The following PLIN3 variants were observed in gnomAD, a reference collection of about 807,000 sequenced individuals.
PLIN3 encodes perilipin-3.
Under a neutral mutation model 35.9 loss-of-function variants are expected in PLIN3, and 30 were observed. The observed-to-expected ratio is 0.84, with a 90% confidence interval of 0.62 to 1.13. PLIN3 has a LOEUF of 1.13. PLIN3 is among the 50% of genes most tolerant of loss of function. The pLI is 0.00. For missense variants in PLIN3, 603 were observed against 596.9 expected (o/e 1.01, Z -0.11); for synonymous variants, 261 against 262.5 (o/e 0.99, Z 0.06).
chr19:4,845,681 T>C (rs2030064170), intron 6 of PLIN3, among the ~76,000 whole-genome samples: 1 of 151,998 alleles, frequency 6.6e-6, no homozygotes, highest in East Asian at 1.9e-4. Context: ...TCCCAGCACT[T>C]TGGGAGGCCG....
At chr19:4,845,813 A>C (rs1188594006) in intron 6 of PLIN3, among the ~76,000 whole-genome samples, 1 of 150,002 alleles carries the variant, frequency 6.7e-6, no homozygotes, top group Non-Finnish European at 1.5e-5. Context: ...AGTCCCAGCT[A>C]CTCGGGAGGC....
intron 7 of PLIN3, among the ~76,000 whole-genome samples, chr19:4,842,599 CAAAAA>C (rs11383489): frequency 1.5e-4 from 7 of 46,910 alleles, no homozygotes; most frequent in East Asian, 1.6e-3. Flanking sequence ...GACTCTATCT[CAAAAA>C]AAAAAAAAAA....
intron 7 of PLIN3, among the ~76,000 whole-genome samples, chr19:4,840,629 C>A (rs1329914025): frequency 6.6e-6 from 1 of 152,090 alleles, no homozygotes; most frequent in Non-Finnish European, 1.5e-5. Context: ...GCTGTTTGAC[C>A]TTATAAGTCA....
intron 6 of PLIN3, among the ~76,000 whole-genome samples, chr19:4,846,421 G>A (rs914169344): frequency 4.6e-5 from 7 of 151,854 alleles, no homozygotes; most frequent in Non-Finnish European, 7.4e-5. Flanking sequence ...GATTAGAGCT[G>A]TGCGTGGTGG....
chr19:4,841,129 T>C (rs933985452), intron 7 of PLIN3, among the ~76,000 whole-genome samples: 5 of 152,088 alleles, frequency 3.3e-5, no homozygotes, highest in African/African-American at 9.7e-5. Context: ...TAGTTGTGGG[T>C]GTGTGCACAA....
At chr19:4,852,645 C>CTT (rs1160136382) in intron 4 of PLIN3, among the ~76,000 whole-genome samples, 10 of 146,176 alleles carry the variant, frequency 6.8e-5, no homozygotes, top group South Asian at 2.2e-4. Flanking sequence ...TTCTTTCTTT[C>CTT]TTTTTTTTTT....
intron 7 of PLIN3, among the ~76,000 whole-genome samples, chr19:4,844,025 A>C (rs1271464506): frequency 6.6e-6 from 1 of 152,094 alleles, no homozygotes; most frequent in Non-Finnish European, 1.5e-5. Flanking sequence ...GCTGGAGTGC[A>C]GTGGTGCGAT....
At chr19:4,856,731 G>A (rs2146210424) in intron 4 of PLIN3, among the ~76,000 whole-genome samples, 1 of 146,972 alleles carries the variant, frequency 6.8e-6, no homozygotes, top group Middle Eastern at 3.5e-3. Context: ...TTGAGACAGA[G>A]CCTTGCTCTG....
At chr19:4,867,316 G>C (rs929253352) in intron 1 of PLIN3, among the ~76,000 whole-genome samples, 3 of 152,180 alleles carry the variant, frequency 2.0e-5, no homozygotes, top group Non-Finnish European at 2.9e-5. Flanking sequence ...CCTGGTGGGC[G>C]GGGGGCGGTA....
chr19:4,865,887 C>T (rs1458472862), intron 1 of PLIN3, among the ~76,000 whole-genome samples: 2 of 151,558 alleles, frequency 1.3e-5, no homozygotes, highest in African/African-American at 4.9e-5. Context: ...CCACGCCTGG[C>T]TAATTGTTTG....
chr19:4,854,107 A>T lies in PLIN3; in HGVS notation c.349-1806T>A, dbSNP rs539198260. On this transcript the variant is annotated intron_variant, in intron 4 of 7. Coordinates refer to ENST00000221957, the MANE Select transcript of PLIN3 (RefSeq NM_005817.5). ...ACCACCACACCCGGCTTATTTTTTTATTTTTTGTAGAGACAAGGACTCTCC... is the reference window on the plus strand; with the variant it reads ...ACCACCACACCCGGCTTATTTTTTTTTTTTTTGTAGAGACAAGGACTCTCC... Among the ~76,000 whole-genome samples the T allele has an allele frequency of 2.0e-5, 3 of 151,248 alleles. No homozygotes were observed. In the East Asian group the frequency reaches 5.9e-4, roughly 30 times the overall value.
chr19:4,839,764 C>T (rs1184836285), intron 7 of PLIN3, among the ~76,000 whole-genome samples: 1 of 151,170 alleles, frequency 6.6e-6, no homozygotes, highest in Non-Finnish European at 1.5e-5. Flanking sequence ...CTCTCAGGTT[C>T]GCGCCATTCT....
rs774211778 is a variant in PLIN3, at chr19:4,839,489, T to C, written c.1008A>G (p.Gln336=). The change falls in exon 8 of 8, where the codon CAA becomes CAG. Residue 336 remains glutamine (Q), a synonymous_variant. Transcript: ENST00000221957. The part of the protein sequence containing the change: ...ALTMFRDIAQ[Q]LQATCTSLGS... ...CCAGGGAGGTACAGGTGGCCTGCAG[T>C]TGCTGGGCAATGTCCCGGAACATGG... The C allele has an allele frequency of 1.9e-6, 3 of 1,549,010 alleles. No homozygotes were observed. The highest frequency in any genetic ancestry group is 2.6e-6 in the Non-Finnish European group (3 of 1,142,626).
At chr19:4,865,197 A>C (rs1013568275) in intron 1 of PLIN3, among the ~76,000 whole-genome samples, 3 of 149,804 alleles carry the variant, frequency 2.0e-5, no homozygotes, top group African/African-American at 7.4e-5. Context: ...ATCTCAAAGA[A>C]AAAAGAAAAA....
intron 1 of PLIN3, among the ~76,000 whole-genome samples, chr19:4,862,199 C>T (rs1396243697): frequency 2.0e-5 from 3 of 149,690 alleles, no homozygotes; most frequent in East Asian, 2.0e-4. Flanking sequence ...GGCACGATCT[C>T]GGCTCACTGT....
chr19:4,846,294 C>A (rs955541985), intron 6 of PLIN3, among the ~76,000 whole-genome samples: 24 of 145,138 alleles, frequency 1.7e-4, no homozygotes, highest in African/African-American at 6.1e-4. Flanking sequence ...CCAGCCTGGG[C>A]AACAGAGTGA....
intron 6 of PLIN3, among the ~76,000 whole-genome samples, chr19:4,847,015 G>A (rs191955770): frequency 1.6e-3 from 239 of 151,286 alleles, no homozygotes; most frequent in African/African-American, 5.6e-3. Flanking sequence ...TCAGCCTCCT[G>A]AGTAGCTGGG....
intron 3 of PLIN3, 62 bp downstream of exon 3, chr19:4,859,764 C>A: frequency 6.3e-7 from 1 of 1,596,586 alleles, no homozygotes; most frequent in Non-Finnish European, 8.6e-7. Context: ...GTAGACCCCC[C>A]TACTCCCCAC....
chr19:4,852,404 C>A, intron 4 of PLIN3, 103 bp from the exon 5 acceptor site: 6 of 1,346,048 alleles, frequency 4.5e-6, no homozygotes, highest in Non-Finnish European at 6.0e-6. Context: ...GAGCGCCATC[C>A]CCCGGGTGAC....
Sources: gnomAD v4.1 joint callset for allele counts (sites outside exome capture counted in the v4.1 genomes callset) on GRCh38, gnomAD v4.1.1 for gene constraint, MANE v1.5 for transcripts, NCBI Gene and HGNC (gene_info 2026-07-23, HGNC 2026-07-21) for gene names.